Variants in SGCZ observed in about 807,000 individuals in gnomAD.
SGCZ encodes sarcoglycan zeta.
In SGCZ, 40 loss-of-function variants were observed where a neutral mutation model predicts 41.3. The ratio of observed to expected loss-of-function variants is 0.97; its 90% confidence interval spans 0.75 to 1.26. The LOEUF is 1.26. SGCZ is among the 50% of genes most tolerant of loss of function. SGCZ has a pLI of 0.00. For missense variants in SGCZ, 552 were observed against 369.8 expected, an observed-to-expected ratio of 1.49 and a Z score of -4.04; for synonymous variants, 206 against 137.5, an observed-to-expected ratio of 1.50 and a Z score of -3.49.
At chr8:15,230,776 C>T (rs1038642785) in intron 1 of SGCZ, among the ~76,000 whole-genome samples, 9 of 152,314 alleles carry the variant, frequency 5.9e-5, no homozygotes, top group African/African-American at 2.2e-4. Context: ...TTGAACCAAA[C>T]TTCCCTTTCA....
chr8:14,292,909 T>C (rs1482397167), intron 3 of SGCZ, among the ~76,000 whole-genome samples: 3 of 152,026 alleles, frequency 2.0e-5, no homozygotes, highest in Admixed American at 2.0e-4. Context: ...CTAGCAGTAA[T>C]ACACAAAGCA....
At chr8:15,019,443 C>T (rs1013058168) in intron 1 of SGCZ, among the ~76,000 whole-genome samples, 2 of 152,092 alleles carry the variant, frequency 1.3e-5, no homozygotes, top group Admixed American at 1.3e-4. Context: ...ATTCACATTT[C>T]CAAATTGTGC....
intron 1 of SGCZ, among the ~76,000 whole-genome samples, chr8:14,920,774 T>C (rs928334717): frequency 1.3e-5 from 2 of 152,214 alleles, no homozygotes; most frequent in African/African-American, 4.8e-5. Context: ...TTATACCTAA[T>C]TGTATTTGTT....
chr8:14,305,384 A>G (rs1712120645), intron 3 of SGCZ, among the ~76,000 whole-genome samples: 1 of 152,188 alleles, frequency 6.6e-6, no homozygotes, highest in African/African-American at 2.4e-5. Flanking sequence ...GAAGGCATCA[A>G]TGTCCCTAAA....
chr8:14,156,737 A>G (rs1803888420), intron 5 of SGCZ, among the ~76,000 whole-genome samples: 6 of 152,146 alleles, frequency 3.9e-5, no homozygotes. Flanking sequence ...TTTGCTAAAC[A>G]CCAAGAAAAT....
chr8:14,576,582 C>T (rs1365536263), intron 1 of SGCZ, among the ~76,000 whole-genome samples: 1 of 152,180 alleles, frequency 6.6e-6, no homozygotes, highest in Non-Finnish European at 1.5e-5. Context: ...CCCTGATGCA[C>T]AATTTTAGCA....
chr8:14,717,645 G>A lies in SGCZ; in HGVS notation c.40-162719C>T, dbSNP rs551462381. On this transcript the variant is annotated intron_variant, in intron 1 of 7. Transcript: ENST00000382080. ...AAGACTATGCTTCATTTAATGTTTTGCTGTGGTAGTCATTACATTCTTAAT... is the reference window on the plus strand; with the variant it reads ...AAGACTATGCTTCATTTAATGTTTTACTGTGGTAGTCATTACATTCTTAAT... Among the ~76,000 whole-genome samples the A allele has an allele frequency of 1.2e-4, 19 of 152,142 alleles. No homozygotes were observed. The East Asian group carries it at 3.7e-3, about 29-fold the overall frequency.
At chr8:14,716,150 A>G (rs1191113291) in intron 1 of SGCZ, among the ~76,000 whole-genome samples, 1 of 152,086 alleles carries the variant, frequency 6.6e-6, no homozygotes, top group Non-Finnish European at 1.5e-5. Context: ...GAAAAGAATG[A>G]CATAATTGAG....
At chr8:15,196,915 G>T (rs12680924) in intron 1 of SGCZ, among the ~76,000 whole-genome samples, 2 of 152,052 alleles carry the variant, frequency 1.3e-5, no homozygotes, top group South Asian at 2.1e-4. Flanking sequence ...GCTGGAGCCC[G>T]TATGTTTTTC....
At chr8:15,018,862 G>A (rs990921052) in intron 1 of SGCZ, among the ~76,000 whole-genome samples, 4 of 152,204 alleles carry the variant, frequency 2.6e-5, no homozygotes, top group African/African-American at 9.7e-5. Flanking sequence ...GGAGATCTCA[G>A]GAAACTTACA....
chr8:15,171,558 A>G (rs1442181851), intron 1 of SGCZ, among the ~76,000 whole-genome samples: 3 of 152,344 alleles, frequency 2.0e-5, no homozygotes, highest in East Asian at 1.9e-4. Flanking sequence ...TGGAGATCCA[A>G]CTGGGTATTA....
At chr8:14,855,415 T>C (rs769212910) in intron 1 of SGCZ, among the ~76,000 whole-genome samples, 2 of 152,118 alleles carry the variant, frequency 1.3e-5, no homozygotes, top group Non-Finnish European at 2.9e-5. Flanking sequence ...ACCTAGCCCA[T>C]TCTGATTTAT....
chr8:14,217,414 G>A (rs1164480225), intron 4 of SGCZ, among the ~76,000 whole-genome samples: 1 of 151,562 alleles, frequency 6.6e-6, no homozygotes, highest in Non-Finnish European at 1.5e-5. Flanking sequence ...CAATCTCCTG[G>A]CATAGATATT....
At chr8:14,402,903 G>C (rs530056073) in intron 2 of SGCZ, among the ~76,000 whole-genome samples, 1 of 149,920 alleles carries the variant, frequency 6.7e-6, no homozygotes, top group African/African-American at 2.5e-5. Context: ...TCACGATATT[G>C]ATTCTTCCTA....
At chr8:14,926,610 TTTTG>T (rs1554523007) in intron 1 of SGCZ, among the ~76,000 whole-genome samples, 1 of 151,822 alleles carries the variant, frequency 6.6e-6, no homozygotes, top group East Asian at 1.9e-4. Context: ...GTAGACAGTT[TTTTG>T]TTTGTTTGTT....
In SGCZ at chr8:14,846,932, C is replaced by T. The variant is rs372693389; in HGVS notation, c.40-292006G>A. ...TAAAATACAAAAGAAATTAGCTGGG[C>T]GTGGTGGCACATGCCTGTAATCCCA... On this transcript the variant is annotated intron_variant, in intron 1 of 7. Transcript: ENST00000382080. 1.3e-4 allele frequency among the ~76,000 whole-genome samples: 19 copies of T among 151,778 alleles called. No homozygotes were observed. In the East Asian group the frequency reaches 2.7e-3, roughly 22 times the overall value.
At chr8:14,796,290 C>CT (rs1801126786) in intron 1 of SGCZ, among the ~76,000 whole-genome samples, 1 of 152,066 alleles carries the variant, frequency 6.6e-6, no homozygotes, top group Non-Finnish European at 1.5e-5. Context: ...TGCTGTTTTA[C>CT]TTTTTATTTT....
intron 1 of SGCZ, among the ~76,000 whole-genome samples, chr8:14,664,683 C>T (rs1178599887): frequency 6.6e-6 from 1 of 152,098 alleles, no homozygotes; most frequent in Admixed American, 6.6e-5. Context: ...TCATGTGTGT[C>T]ACTTAGTGTA....
At chr8:14,158,098 G>A (rs113684328) in intron 5 of SGCZ, among the ~76,000 whole-genome samples, 6,251 of 150,298 alleles carry the variant, frequency 0.042, 427 homozygotes, top group African/African-American at 0.15. Context: ...ATTTTCACAT[G>A]TCTTTTTTTT....
Sources: gnomAD v4.1 joint callset for allele counts (sites outside exome capture counted in the v4.1 genomes callset) on GRCh38, gnomAD v4.1.1 for gene constraint, MANE v1.5 for transcripts, NCBI Gene and HGNC (gene_info 2026-07-23, HGNC 2026-07-21) for gene names.